The following ZMYM2 variants were observed in gnomAD, a reference collection of about 807,000 sequenced individuals.
ZMYM2 encodes the protein zinc finger MYM-type protein 2.
In ZMYM2, 56 loss-of-function variants were observed where a neutral mutation model predicts 162.8. The observed-to-expected ratio is 0.34, with a 90% CI of 0.28 to 0.43. The LOEUF (loss-of-function observed/expected upper bound fraction) is 0.43, where lower values mean the gene tolerates loss of function less well. Ranked by LOEUF, ZMYM2 falls within the 20% of genes least tolerant of loss-of-function variation. The pLI, the probability that ZMYM2 is intolerant of heterozygous loss-of-function variation, is 1.00. For synonymous variants in ZMYM2, 510 were observed against 541.6 expected (o/e 0.94, Z 0.81); for missense variants, 1,275 against 1,621.8 (o/e 0.79, Z 3.67).
At chr13:19,975,861 AATGTATGTATGTATGT>A (rs71070281) in intron 2 of ZMYM2, among the ~76,000 whole-genome samples, 13,062 of 146,960 alleles carry the variant, frequency 0.089, 840 homozygotes, top group African/African-American at 0.18. Flanking sequence ...CCATTTTTAA[AATGTATGTATGTATGT>A]ATGTATGTAT....
At chr13:20,084,941 G>A (rs1410055958) in intron 24 of ZMYM2, among the ~76,000 whole-genome samples, 1 of 152,174 alleles carries the variant, frequency 6.6e-6, no homozygotes, top group Admixed American at 6.5e-5. Flanking sequence ...CTTCTGACCA[G>A]AAGTGTTTTA....
At chr13:20,079,316 C>CAAAAAAAAAAAAAAAA (rs1158594782) in intron 21 of ZMYM2, among the ~76,000 whole-genome samples, 2 of 23,164 alleles carry the variant, frequency 8.6e-5, no homozygotes, top group African/African-American at 4.4e-4. Context: ...GACTCTGTCT[C>CAAAAAAAAAAAAAAAA]AAAAAAAAAA....
At chr13:19,919,127 G>A in the ZMYM2 span, among the ~76,000 whole-genome samples, 2 of 149,302 alleles carry the variant, frequency 1.3e-5, no homozygotes, top group African/African-American at 4.9e-5. Flanking sequence ...AACCTTTTGA[G>A]ACTGGCTTTT....
intron 20 of ZMYM2, 23 bp from the exon 21 acceptor site, chr13:20,067,215 AT>A: frequency 6.6e-7 from 1 of 1,512,628 alleles, no homozygotes. Flanking sequence ...AATAACAATT[AT>A]TTTTTATTTT....
chr13:19,936,450 G>A, the ZMYM2 span, among the ~76,000 whole-genome samples: 1 of 152,194 alleles, frequency 6.6e-6, no homozygotes, highest in Non-Finnish European at 1.5e-5. Flanking sequence ...GGCCGGGCAT[G>A]GTGGCTCTTG....
chr13:20,030,166 T>C (rs1952959458), intron 9 of ZMYM2, among the ~76,000 whole-genome samples: 3 of 152,110 alleles, frequency 2.0e-5, no homozygotes, highest in Admixed American at 2.0e-4. Flanking sequence ...TGTAAATCTT[T>C]TTTCTCCTAA....
chr13:19,915,355 A>T, the ZMYM2 span, among the ~76,000 whole-genome samples: 2 of 152,054 alleles, frequency 1.3e-5, no homozygotes, highest in East Asian at 3.9e-4. Flanking sequence ...TCAGCCTCCC[A>T]AAGTGCTAGA....
At chr13:20,043,303 G>T (rs561531829) in intron 12 of ZMYM2, among the ~76,000 whole-genome samples, 1 of 152,180 alleles carries the variant, frequency 6.6e-6, no homozygotes, top group African/African-American at 2.4e-5. Context: ...TTGGTAGTGC[G>T]GTGACAGCAG....
intron 14 of ZMYM2, among the ~76,000 whole-genome samples, chr13:20,056,820 G>A (rs1955834011): frequency 6.6e-6 from 1 of 152,068 alleles, no homozygotes; most frequent in Non-Finnish European, 1.5e-5. Context: ...GAAAAATGTG[G>A]CCCTATGCTT....
the ZMYM2 span, among the ~76,000 whole-genome samples, chr13:19,884,701 G>C: frequency 9.9e-5 from 15 of 152,080 alleles, no homozygotes; most frequent in Admixed American, 8.5e-4. Context: ...CGTTCCTTGC[G>C]GCGGATTCCT....
Position 20,052,257 on chromosome 13 carries a change from A to G in ZMYM2, c.2459-20A>G. On this transcript the variant is annotated intron_variant, in intron 13 of 24. Transcript: ENST00000610343. ...AAGAAAGAGTATTTGTCTTATTTTA[A>G]ATTTTTTTGTGTTTTTTAGATCAGG... The G allele has an allele frequency of 6.5e-7, 1 of 1,545,200 alleles. No homozygotes were observed.
In ZMYM2 at chr13:20,027,325, C is replaced by A; in HGVS notation, c.1851+7C>A. On this transcript the variant is annotated splice_region_variant and intron_variant, in intron 9 of 24. Transcript: ENST00000610343. ...TTGTGTGGCTAAATTTCAGGTTTGT[C>A]GTTTATTTTGCATAACCCATGCCCC... 6.4e-7 allele frequency: 1 copy of A among 1,551,062 alleles called. No individual in the cohort carries two copies. Among genetic ancestry groups the A allele is most frequent in the South Asian group, 1.2e-5 (1 of 83,958 alleles).
chr13:20,019,537 C>CT lies in ZMYM2; in HGVS notation c.1513-3dup, dbSNP rs758572928. 5.7e-6 allele frequency: 9 copies of CT among 1,567,422 alleles called. No homozygotes were observed. The highest frequency in any genetic ancestry group is 6.1e-6 in the Non-Finnish European group (7 of 1,156,264). On this transcript the variant is annotated splice_polypyrimidine_tract_variant and intron_variant, in intron 6 of 24. Transcript: ENST00000610343. ...GTGTGTTTATAAAGTCTTTTAAAATCTTTTTTTAGGTAGGTAGCCATCCAA... is the reference window on the plus strand; with the variant it reads ...GTGTGTTTATAAAGTCTTTTAAAATCTTTTTTTTAGGTAGGTAGCCATCCAA...
At chr13:19,960,638 C>G (rs1193396092) in intron 2 of ZMYM2, among the ~76,000 whole-genome samples, 1 of 152,112 alleles carries the variant, frequency 6.6e-6, no homozygotes, top group Admixed American at 6.6e-5. Context: ...TCTTCGTTCC[C>G]CATCTTCCAT....
At chr13:19,925,630 T>A in the ZMYM2 span, among the ~76,000 whole-genome samples, 10 of 152,142 alleles carry the variant, frequency 6.6e-5, no homozygotes, top group African/African-American at 1.7e-4. Flanking sequence ...CCCAGCACTT[T>A]AGGAGGATGA....
At chr13:19,940,275 A>C in the ZMYM2 span, among the ~76,000 whole-genome samples, 1 of 152,188 alleles carries the variant, frequency 6.6e-6, no homozygotes, top group Non-Finnish European at 1.5e-5. Context: ...GGGGCTAGGG[A>C]ATACATTAAG....
At chr13:20,020,278 A>T (rs886340516) in intron 7 of ZMYM2, among the ~76,000 whole-genome samples, 1 of 139,454 alleles carries the variant, frequency 7.2e-6, no homozygotes, top group African/African-American at 2.7e-5. Flanking sequence ...CTTGTTGCCC[A>T]GGCTGGAGTG....
At chr13:20,059,669 C>T (rs1317351224) in intron 16 of ZMYM2, 107 bp downstream of exon 16, 3 of 662,488 alleles carry the variant, frequency 4.5e-6, no homozygotes, top group Non-Finnish European at 8.0e-6. Context: ...TCCATGCATC[C>T]ACATATGTGG....
intron 19 of ZMYM2, among the ~76,000 whole-genome samples, chr13:20,065,287 A>G (rs1421314771): frequency 1.3e-5 from 2 of 152,090 alleles, no homozygotes; most frequent in African/African-American, 2.4e-5. Flanking sequence ...CTTGACACCA[A>G]ACACAACAAT....
Sources: allele counts gnomAD v4.1 joint callset (sites outside exome capture counted in the v4.1 genomes callset), GRCh38; gene constraint gnomAD v4.1.1; transcripts MANE v1.5; gene names NCBI Gene and HGNC (gene_info 2026-07-23, HGNC 2026-07-21).